PXDN: variants seen among roughly 807,000 people sequenced by gnomAD.
PXDN encodes the protein peroxidasin homolog.
A neutral mutation model predicts 140.3 loss-of-function variants in PXDN; 77 were observed. The observed-to-expected ratio is 0.55, with a 90% CI of 0.46 to 0.66. The LOEUF is 0.66. PXDN is among the 30% of genes least tolerant of loss of function. PXDN has a pLI of 0.00. For missense variants in PXDN, 1,838 were observed against 2,039.5 expected (o/e 0.90, Z 1.90); for synonymous variants, 911 against 857.4 (o/e 1.06, Z -1.09).
At chr2:1,656,713 G>A in intron 14 of PXDN, among the ~76,000 whole-genome samples, 1 of 101,556 alleles carries the variant, frequency 9.8e-6, no homozygotes, top group Non-Finnish European at 1.9e-5. Flanking sequence ...GCCCCCACCT[G>A]ACTGAAACCT....
intron 1 of PXDN, among the ~76,000 whole-genome samples, chr2:1,724,296 G>A (rs952949667): frequency 6.9e-6 from 1 of 144,536 alleles, no homozygotes; most frequent in Admixed American, 7.3e-5. Flanking sequence ...TTTATTTAAA[G>A]TAAGTCTGAA....
At position 1,649,914 on chromosome 2, in the gene PXDN, G is replaced by A. The variant is rs1281759261; in HGVS notation, c.2105-239C>T. 6.6e-6 allele frequency among the ~76,000 whole-genome samples: 1 copy of A among 151,992 alleles called. No homozygotes were observed. Among genetic ancestry groups the A allele is most frequent in the Non-Finnish European group, 1.5e-5 (1 of 67,990 alleles). Reference sequence around the variant, plus strand: ...ATTCTCTCCACAGCCCCAGTTTCTGGGCCCTGTCTCCCCTCCCCACTTAGC... The same window carrying A: ...ATTCTCTCCACAGCCCCAGTTTCTGAGCCCTGTCTCCCCTCCCCACTTAGC... On this transcript the variant is annotated intron_variant, in intron 16 of 22. Transcript: ENST00000252804. The surrounding 1 kb of genome is among the most constrained non-coding windows in gnomAD (Gnocchi z 7.1).
intron 15 of PXDN, 115 bp from the exon 16 acceptor site, chr2:1,653,900 A>G: frequency 8.0e-7 from 1 of 1,256,352 alleles, no homozygotes; most frequent in Non-Finnish European, 1.1e-6. Context: ...ACTTTCTACA[A>G]CATAATGTAC....
rs781615226 is a variant in PXDN at position 1,654,512 on chromosome 2, G to A, written c.1838-4C>T. Reference sequence around the variant, plus strand: ...CCATTTCGACTGACGTCAGGAACTAGGAAAATACAAAGTCGCGTATTACCA... The same window carrying A: ...CCATTTCGACTGACGTCAGGAACTAAGAAAATACAAAGTCGCGTATTACCA... On this transcript the variant is annotated splice_region_variant and splice_polypyrimidine_tract_variant and intron_variant, in intron 14 of 22. Coordinates refer to ENST00000252804, the MANE Select transcript of PXDN (RefSeq NM_012293.3). 4 of 1,604,884 alleles carry A rather than the reference G, an allele frequency of 2.5e-6. No individual in the cohort carries two copies. The highest frequency in any genetic ancestry group is 1.1e-5 in the South Asian group (1 of 90,828).
At chr2:1,680,585 C>T (rs1281558752) in intron 6 of PXDN, among the ~76,000 whole-genome samples, 1 of 152,190 alleles carries the variant, frequency 6.6e-6, no homozygotes, top group Non-Finnish European at 1.5e-5. Context: ...CAGGGGTGCA[C>T]AGTGCCCCTC....
In PXDN at chr2:1,662,183, G is replaced by A. The variant is rs766562557; in HGVS notation, c.1569C>T (p.Val523=). 6.3e-7 allele frequency: 1 copy of A among 1,581,696 alleles called. No homozygotes were observed. The highest frequency in any genetic ancestry group is 1.8e-5 in the Admixed American group (1 of 54,774). ...TGGGAATGCTGGCAAACACTGGGGT[G>A]ACTGGAAGGCAGATGTAGAGAATCC... is the stretch of plus-strand genomic sequence containing the variant. The part of the protein sequence containing the change: ...VVAHLTVQPR[V]TPVFASIPSD... Residue 523 remains valine (V), a splice_region_variant and synonymous_variant, in exon 13 of 23, where the codon GTC becomes GTT. Coordinates refer to ENST00000252804, the MANE Select transcript of PXDN (RefSeq NM_012293.3).
chr2:1,649,863 C>A lies in PXDN; in HGVS notation c.2105-188G>T, dbSNP rs920406821. On this transcript the variant is annotated intron_variant, in intron 16 of 22. Transcript: ENST00000252804. The surrounding 1 kb of genome is among the most constrained non-coding windows in gnomAD (Gnocchi z 7.1). ...CCTCCTGTTTGGTAAAACTGCTCCT[C>A]CCCTCCTCCAGCCCCAAACACAGGT... Among the ~76,000 whole-genome samples, 17 of 152,116 alleles carry A rather than the reference C, an allele frequency of 1.1e-4. No homozygotes were observed. Among genetic ancestry groups the A allele is most frequent in the African/African-American group, 4.1e-4 (17 of 41,432 alleles).
rs953140494 is a variant in PXDN, at chr2:1,687,014, C to G, written c.416+618G>C. Among the ~76,000 whole-genome samples, 7 of 152,340 alleles carry G rather than the reference C, an allele frequency of 4.6e-5. No individual in the cohort carries two copies. Among genetic ancestry groups the G allele is most frequent in the Non-Finnish European group, 1.0e-4 (7 of 68,044 alleles). The stretch of plus-strand genomic sequence containing the variant: ...AGCAAACAAACCAGGACAAATCCTC[C>G]TTTTTACCAGGACATTGTAATGAAA... On this transcript the variant is annotated intron_variant, in intron 4 of 22. Coordinates refer to ENST00000252804, the MANE Select transcript of PXDN (RefSeq NM_012293.3). This position sits in a 1 kb window ranked among gnomAD's most constrained non-coding sequence, Gnocchi z 4.0.
In PXDN at chr2:1,660,750, G is replaced by C; in HGVS notation, c.1837+131C>G. 1 of 1,220,828 alleles carries C rather than the reference G, an allele frequency of 8.2e-7. No homozygotes were observed. The allele number at this position is 1,220,828 out of a possible 1,614,324, so 75.6% of individuals were successfully genotyped here. ...ATGCATCAGGAGAGTGTCCCCACCT[G>C]GGAATCAAGGGTGCTTTGTCTTCTG... On this transcript the variant is annotated intron_variant, in intron 14 of 22. Transcript: ENST00000252804. This position sits in a 1 kb window ranked among gnomAD's most constrained non-coding sequence, Gnocchi z 4.6.
chr2:1,700,691 T>C (rs1057473655), intron 1 of PXDN, among the ~76,000 whole-genome samples: 1 of 151,836 alleles, frequency 6.6e-6, no homozygotes, highest in Non-Finnish European at 1.5e-5. Context: ...TTGGCCAACA[T>C]GGTGAAACCC....
rs565192503 is a variant in PXDN, at chr2:1,702,879, G to A, written c.201-9745C>T. The stretch of plus-strand genomic sequence containing the variant: ...TGACCTCAGGTGATCCACGCACCTC[G>A]GCCTCTCAAAGTGCTTGGTTTTATA... On this transcript the variant is annotated intron_variant, in intron 1 of 22. Coordinates refer to ENST00000252804, the MANE Select transcript of PXDN (RefSeq NM_012293.3). Among the ~76,000 whole-genome samples, 8 of 152,140 alleles carry A rather than the reference G, an allele frequency of 5.3e-5. No individual in the cohort carries two copies. In the East Asian group the frequency reaches 5.8e-4, roughly 11 times the overall value.
In PXDN at chr2:1,680,128, G is replaced by A. The variant is rs546347583; in HGVS notation, c.730+65C>T. 3.8e-5 allele frequency: 56 copies of A among 1,467,476 alleles called. No homozygotes were observed. In the East Asian group the frequency reaches 1.3e-3, roughly 34 times the overall value. 90.9% of individuals were successfully genotyped at this position (1,467,476 alleles called of 1,614,324 possible). Reference sequence around the variant, plus strand: ...GATGTTGTGTGTGTAGATGGTGTGTGTGTGGATGGTGTGTGTGTAGATGGT... The same window carrying A: ...GATGTTGTGTGTGTAGATGGTGTGTATGTGGATGGTGTGTGTGTAGATGGT... On this transcript the variant is annotated intron_variant, in intron 7 of 22. Transcript: ENST00000252804.
At chr2:1,683,549 C>A in intron 6 of PXDN, 107 bp downstream of exon 6, 1 of 434,570 alleles carries the variant, frequency 2.3e-6, no homozygotes, top group Non-Finnish European at 3.5e-6. Flanking sequence ...CTTTCAGAAT[C>A]AGATTGTTAT....
chr2:1,646,814 C>T (rs1235914115), intron 17 of PXDN, among the ~76,000 whole-genome samples: 1 of 152,226 alleles, frequency 6.6e-6, no homozygotes, highest in Admixed American at 6.5e-5. Flanking sequence ...TCTCCTAATA[C>T]ACAGTGACCT....
chr2:1,646,925 G>C (rs969638901), intron 17 of PXDN, among the ~76,000 whole-genome samples: 11 of 152,066 alleles, frequency 7.2e-5, no homozygotes, highest in African/African-American at 2.7e-4. Flanking sequence ...ATTGAGATGG[G>C]GTCTCTGTCA....
chr2:1,653,339 C>A (rs1177562745), intron 16 of PXDN: 7 of 423,558 alleles, frequency 1.7e-5, no homozygotes, highest in Non-Finnish European at 2.7e-5. Flanking sequence ...GCTTGCATAA[C>A]CCACCCTGGC....
chr2:1,649,710 C>A lies in PXDN; in HGVS notation c.2105-35G>T. The A allele has an allele frequency of 6.2e-7, 1 of 1,609,116 alleles. No homozygotes were observed. Among genetic ancestry groups the A allele is most frequent in the South Asian group, 1.1e-5 (1 of 90,724 alleles). On this transcript the variant is annotated intron_variant, in intron 16 of 22. Transcript: ENST00000252804. The surrounding 1 kb of genome is among the most constrained non-coding windows in gnomAD (Gnocchi z 7.1). Reference sequence around the variant, plus strand: ...GGAGAAAAGCAAGACGCACTCAATTCCCCTGGAGGATGTGTGAGGGCCCGG... The same window carrying A: ...GGAGAAAAGCAAGACGCACTCAATTACCCTGGAGGATGTGTGAGGGCCCGG...
At chr2:1,636,332 A>T (rs1682558690) in intron 21 of PXDN, 2 of 152,786 alleles carry the variant, frequency 1.3e-5, no homozygotes, top group Admixed American at 6.5e-5. Context: ...GCTCAGCCAC[A>T]GGTAAGGCTG....
chr2:1,663,658 A>G lies in PXDN; in HGVS notation c.1514T>C (p.Val505Ala), dbSNP rs754669663. The G allele has an allele frequency of 1.4e-5, 22 of 1,614,022 alleles. No individual in the cohort carries two copies. The South Asian group carries it at 2.4e-4, about 18-fold the overall frequency. ...HDQGQYECQA[V>A]NIIGSQKVVA... is the part of the protein sequence containing the mutation. The stretch of plus-strand genomic sequence containing the variant: ...GACCTTCTGGGAGCCGATGATGTTG[A>G]CAGCCTGGCATTCGTACTGGCCCTG... The change falls in exon 12 of 23, where the codon GTC (valine) becomes GCC (alanine). Residue 505 changes from valine (V) to alanine (A), a missense_variant. Coordinates refer to ENST00000252804, the MANE Select transcript of PXDN (RefSeq NM_012293.3).
Sources: allele counts gnomAD v4.1 joint callset (sites outside exome capture counted in the v4.1 genomes callset), GRCh38; gene constraint gnomAD v4.1.1; non-coding constraint Gnocchi (gnomAD v3.1); transcripts MANE v1.5; gene names NCBI Gene and HGNC (gene_info 2026-07-23, HGNC 2026-07-21).